The following CSMD2 variants were observed in gnomAD, a reference collection of about 807,000 sequenced individuals.
The protein encoded by CSMD2 is CUB and sushi domain-containing protein 2.
CSMD2 carries 130 observed loss-of-function variants against 398.5 expected under a neutral mutation model. The observed-to-expected ratio is 0.33, with a 90% CI of 0.28 to 0.38. The LOEUF is 0.38. Among genes scored for constraint, CSMD2 ranks in the 10% least tolerant of loss-of-function variants. The probability of loss-of-function intolerance (pLI) is 1.00; values close to 1 mark genes in which losing one functional copy is unlikely to be tolerated. For synonymous variants in CSMD2, 1,828 were observed against 1,908.5 expected (o/e 0.96, Z 1.10); for missense variants, 3,829 against 4,764.9 (o/e 0.80, Z 5.78).
chr1:33,582,370 G>C (rs560491826), intron 47 of CSMD2, among the ~76,000 whole-genome samples: 27 of 152,282 alleles, frequency 1.8e-4, no homozygotes, highest in Non-Finnish European at 3.5e-4. Flanking sequence ...GCCAAAACAA[G>C]TATAACTATA....
At chr1:33,689,560 G>C (rs1645167441) in intron 25 of CSMD2, among the ~76,000 whole-genome samples, 1 of 152,136 alleles carries the variant, frequency 6.6e-6, no homozygotes, top group South Asian at 2.1e-4. Context: ...ATTCTCATCA[G>C]TGAAAATGGT....
intron 13 of CSMD2, among the ~76,000 whole-genome samples, chr1:33,746,498 T>G (rs2149262699): frequency 6.6e-6 from 1 of 152,272 alleles, no homozygotes; most frequent in African/African-American, 2.4e-5. Flanking sequence ...AGTGTATTAT[T>G]TTTTCTCTAG....
chr1:33,759,251 C>T (rs750869160), intron 13 of CSMD2, among the ~76,000 whole-genome samples: 12 of 149,804 alleles, frequency 8.0e-5, no homozygotes, highest in South Asian at 6.4e-4. Context: ...GATGGAAGAG[C>T]GGCATGGGAT....
At chr1:34,152,834 C>T (rs1384540338) in intron 1 of CSMD2, among the ~76,000 whole-genome samples, 2 of 152,184 alleles carry the variant, frequency 1.3e-5, no homozygotes, top group Non-Finnish European at 2.9e-5. Context: ...ACAGATCTCT[C>T]TCCATCTTGC....
chr1:33,573,192 C>A (rs1424909673), intron 49 of CSMD2, among the ~76,000 whole-genome samples: 2 of 152,148 alleles, frequency 1.3e-5, no homozygotes, highest in African/African-American at 4.8e-5. Context: ...CTCAACTCAA[C>A]CTCTCACTGA....
Position 33,636,642 on chromosome 1 carries a change from C to G in CSMD2, c.4775-88G>C. ...GGCTCCAGTGCCCATGAGGAGAACCCGACTTTAATTAGCCACAGAGCACAC... is the reference window on the plus strand; with the variant it reads ...GGCTCCAGTGCCCATGAGGAGAACCGGACTTTAATTAGCCACAGAGCACAC... On this transcript the variant is annotated intron_variant, in intron 29 of 70. Coordinates refer to ENST00000373381, the MANE Select transcript of CSMD2 (RefSeq NM_001281956.2). This position sits in a 1 kb window ranked among gnomAD's most constrained non-coding sequence, Gnocchi z 4.8. 9.0e-7 allele frequency: 1 copy of G among 1,116,370 alleles called. No individual in the cohort carries two copies. Among genetic ancestry groups the G allele is most frequent in the Non-Finnish European group, 1.3e-6 (1 of 761,234 alleles). The allele number at this position is 1,116,370 out of a possible 1,614,324, so 69.2% of individuals were successfully genotyped here.
intron 3 of CSMD2, among the ~76,000 whole-genome samples, chr1:33,970,883 TCTCTC>T (rs1243023771): frequency 2.0e-5 from 3 of 152,226 alleles, no homozygotes; most frequent in Non-Finnish European, 4.4e-5. Flanking sequence ...CCATGCTGCC[TCTCTC>T]CTCAACCAAC....
At chr1:33,673,252 A>C (rs930682038) in intron 25 of CSMD2, among the ~76,000 whole-genome samples, 1 of 152,258 alleles carries the variant, frequency 6.6e-6, no homozygotes, top group South Asian at 2.1e-4. Flanking sequence ...TAACCAATTC[A>C]GAGAAGTCCT....
chr1:33,797,729 G>A lies in CSMD2; in HGVS notation c.1447-5203C>T, dbSNP rs368135790. On this transcript the variant is annotated intron_variant, in intron 10 of 70. Coordinates refer to ENST00000373381, the MANE Select transcript of CSMD2 (RefSeq NM_001281956.2). Reference sequence around the variant, plus strand: ...TATAAAACACCACAAGGCAGGTAGTGTCTTCTGCTGGAGGAAGGGCCTGGG... The same window carrying A: ...TATAAAACACCACAAGGCAGGTAGTATCTTCTGCTGGAGGAAGGGCCTGGG... 4.6e-5 allele frequency among the ~76,000 whole-genome samples: 7 copies of A among 152,312 alleles called. No homozygotes were observed. The South Asian group carries it at 1.5e-3, about 32-fold the overall frequency.
At chr1:34,013,534 G>C (rs149897497) in intron 3 of CSMD2, among the ~76,000 whole-genome samples, 1 of 152,058 alleles carries the variant, frequency 6.6e-6, no homozygotes, top group Non-Finnish European at 1.5e-5. Flanking sequence ...GAAGCCCTTC[G>C]GGGCAGGGGC....
Position 34,165,005 on chromosome 1 carries a change from G to C in CSMD2, c.93C>G (p.Gly31=), listed in dbSNP as rs528265261. 8,073 of 1,208,102 alleles carry C rather than the reference G, an allele frequency of 6.7e-3. 38 individuals carry two copies. Among genetic ancestry groups the C allele is most frequent in the Non-Finnish European group, 7.7e-3 (7,455 of 973,010 alleles). The allele number at this position is 1,208,102 out of a possible 1,614,324, so 74.8% of individuals were successfully genotyped here. A position where few individuals can be genotyped will look rare whatever the true frequency, so the allele number is the denominator to read the frequency against. Residue 31 remains glycine (G), a synonymous_variant, in exon 1 of 71, where the codon GGC becomes GGG. Transcript: ENST00000373381. Reference sequence around the variant, plus strand: ...GCGGGCGGCCCCAGCGGCTCCCGGCGCCCGGCACAAGCGCCGAAATCCCGG... The same window carrying C: ...GCGGGCGGCCCCAGCGGCTCCCGGCCCCCGGCACAAGCGCCGAAATCCCGG... ...GETGISALVP[G]AGSRWGRPPP...
At chr1:33,819,986 A>C in intron 8 of CSMD2, 149 bp from the exon 9 acceptor site, 12 of 989,150 alleles carry the variant, frequency 1.2e-5, no homozygotes, top group East Asian at 2.6e-5. Flanking sequence ...AAAAATCTCC[A>C]TTGGAAGGAA....
chr1:33,858,374 C>T (rs1046704739), intron 5 of CSMD2, among the ~76,000 whole-genome samples: 1 of 152,172 alleles, frequency 6.6e-6, no homozygotes, highest in Admixed American at 6.5e-5. Context: ...CTTGTTCCTT[C>T]CCAGTTGCTT....
At chr1:33,618,366 A>C (rs1416942171) in intron 37 of CSMD2, among the ~76,000 whole-genome samples, 1 of 151,826 alleles carries the variant, frequency 6.6e-6, no homozygotes, top group Non-Finnish European at 1.5e-5. Flanking sequence ...GTTGCTTAAA[A>C]TCTCTCCTTG....
Position 33,573,913 on chromosome 1 carries a change from AG to A in CSMD2, c.7577-1223del, listed in dbSNP as rs111404803. Among the ~76,000 whole-genome samples, 150 of 152,268 alleles carry A rather than the reference AG, an allele frequency of 9.9e-4. No individual in the cohort carries two copies. The Middle Eastern group carries it at 0.014, about 14-fold the overall frequency. On this transcript the variant is annotated intron_variant, in intron 49 of 70. Coordinates refer to ENST00000373381, the MANE Select transcript of CSMD2 (RefSeq NM_001281956.2). ...GGCATTCCTCCAAATTACTAGAAAG[AG>A]GGAAAAAAAAATGACATAACTGTGA...
At chr1:33,826,841 C>T (rs1421521921) in intron 6 of CSMD2, among the ~76,000 whole-genome samples, 2 of 152,212 alleles carry the variant, frequency 1.3e-5, no homozygotes. Context: ...ATCCCAGCTA[C>T]CCACGGTGCC....
At chr1:33,879,648 C>A (rs10914802) in intron 5 of CSMD2, among the ~76,000 whole-genome samples, 28 of 152,054 alleles carry the variant, frequency 1.8e-4, no homozygotes, top group African/African-American at 6.8e-4. Flanking sequence ...GTCTCTCCCC[C>A]ATTCCTGCTC....
chr1:33,758,186 C>A (rs943585321), intron 13 of CSMD2, among the ~76,000 whole-genome samples: 3 of 152,194 alleles, frequency 2.0e-5, no homozygotes, highest in Admixed American at 2.0e-4. Flanking sequence ...TTGCAGCTCT[C>A]CAAATGTGCA....
At position 33,921,348 on chromosome 1, in the gene CSMD2, G is replaced by T. The variant is rs74069844; in HGVS notation, c.713-3047C>A. On this transcript the variant is annotated intron_variant, in intron 4 of 70. Transcript: ENST00000373381. ...ATGTCTGACATCTGAGGCAGAGTTT[G>T]TCGCCTTCTGATGTAAATAAATTCA... Among the ~76,000 whole-genome samples the T allele has an allele frequency of 2.6e-3, 399 of 152,060 alleles. 1 individual carries two copies. The highest frequency in any genetic ancestry group is 9.1e-3 in the African/African-American group (378 of 41,344).
Sources: allele counts gnomAD v4.1 joint callset (sites outside exome capture counted in the v4.1 genomes callset), GRCh38; gene constraint gnomAD v4.1.1; non-coding constraint Gnocchi (gnomAD v3.1); transcripts MANE v1.5; gene names NCBI Gene and HGNC (gene_info 2026-07-23, HGNC 2026-07-21).